Variants in CPA6 observed in about 807,000 individuals in gnomAD.
CPA6 encodes the protein carboxypeptidase B.
Under a neutral mutation model 63.3 loss-of-function variants are expected in CPA6, and 58 were observed. The observed-to-expected ratio is 0.92, with a 90% CI of 0.74 to 1.14. CPA6 has a LOEUF of 1.14. Among genes scored for constraint, CPA6 ranks in the 50% most tolerant of loss-of-function variants. The pLI, the probability that CPA6 is intolerant of heterozygous loss-of-function variation, is 0.00. For synonymous variants in CPA6, 185 were observed against 179.0 expected (o/e 1.03, Z -0.27); for missense variants, 565 against 526.6 (o/e 1.07, Z -0.71).
At chr8:67,483,222 G>A (rs66468629) in intron 8 of CPA6, 52,342 of 152,334 alleles carry the variant, frequency 0.34, 9,029 homozygotes, top group Middle Eastern at 0.45. Context: ...TTCTTCAGTA[G>A]AAGGGTTTCC....
intron 2 of CPA6, among the ~76,000 whole-genome samples, chr8:67,563,439 G>A (rs368751584): frequency 6.6e-6 from 1 of 152,152 alleles, no homozygotes; most frequent in Admixed American, 6.5e-5. Flanking sequence ...ACTTAGGAAG[G>A]TTAGCTAAAT....
At chr8:67,711,010 T>A (rs1284361494) in intron 1 of CPA6, among the ~76,000 whole-genome samples, 1 of 152,228 alleles carries the variant, frequency 6.6e-6, no homozygotes, top group Non-Finnish European at 1.5e-5. Flanking sequence ...GAGATTCCCA[T>A]CTTTGCATCT....
intron 1 of CPA6, among the ~76,000 whole-genome samples, chr8:67,675,724 A>G (rs1047347815): frequency 3.3e-5 from 5 of 152,218 alleles, no homozygotes; most frequent in Admixed American, 2.0e-4. Context: ...GCTTTTTGCA[A>G]GCCCTCAAAT....
intron 1 of CPA6, among the ~76,000 whole-genome samples, chr8:67,701,275 C>T (rs1236984886): frequency 2.6e-5 from 4 of 152,142 alleles, no homozygotes; most frequent in Non-Finnish European, 4.4e-5. Context: ...ACTCATGAAT[C>T]AAGTTAATCT....
rs765895994 is a variant in CPA6 at position 67,746,117 on chromosome 8, C to T, written c.13G>A (p.Gly5Arg). ...GCAGCTGCCTGGCCCCTGCGCTTCCCGAGACACTTCATAGTGTTAAGAAGA... is the reference window on the plus strand; with the variant it reads ...GCAGCTGCCTGGCCCCTGCGCTTCCTGAGACACTTCATAGTGTTAAGAAGA... MKCL[G>R]KRRGQAAAFL... The change falls in exon 1 of 11, where the codon GGG becomes AGG. Residue 5 changes from glycine to arginine, a missense_variant. Gly to Arg is a moderately radical substitution (Grantham distance 125, BLOSUM62 -2). Transcript: ENST00000297770. The T allele has an allele frequency of 5.0e-6, 8 of 1,613,018 alleles. No individual in the cohort carries two copies. The highest frequency in any genetic ancestry group is 2.2e-5 in the East Asian group (1 of 44,856).
chr8:67,554,820 G>A lies in CPA6; in HGVS notation c.193-36773C>T, dbSNP rs148112675. Among the ~76,000 whole-genome samples the A allele has an allele frequency of 4.5e-3, 692 of 152,242 alleles. 4 individuals are homozygous for A. Among genetic ancestry groups the A allele is most frequent in the African/African-American group, 0.016 (647 of 41,538 alleles). ...GAGTGCCCAAATTCATCCTTCCTCT[G>A]CCATTTTGTTCCATTTGGCCCCAGC... On this transcript the variant is annotated intron_variant, in intron 2 of 10. Transcript: ENST00000297770.
intron 2 of CPA6, among the ~76,000 whole-genome samples, chr8:67,535,161 A>G (rs952673019): frequency 5.3e-5 from 8 of 152,326 alleles, no homozygotes; most frequent in African/African-American, 1.9e-4. Context: ...GTGCTGCAAT[A>G]AACATACGTG....
At chr8:67,522,666 C>A (rs1358347454) in intron 2 of CPA6, among the ~76,000 whole-genome samples, 1 of 152,224 alleles carries the variant, frequency 6.6e-6, no homozygotes, top group Non-Finnish European at 1.5e-5. Context: ...CCTTGGGACT[C>A]CCTGGGCGAG....
At chr8:67,720,985 A>G (rs1432237709) in intron 1 of CPA6, among the ~76,000 whole-genome samples, 1 of 152,230 alleles carries the variant, frequency 6.6e-6, no homozygotes, top group East Asian at 1.9e-4. Context: ...TAAGCAACCC[A>G]CTATGTGAAA....
In CPA6 at chr8:67,447,093, C is replaced by T. The variant is rs1389252338; in HGVS notation, c.839-12853G>A. On this transcript the variant is annotated intron_variant, in intron 8 of 10. Transcript: ENST00000297770. ...ACATATATACACATATATATACACA[C>T]ATATATATACACATATATATACACA... Among the ~76,000 whole-genome samples, 6 of 151,252 alleles carry T rather than the reference C, an allele frequency of 4.0e-5. No homozygotes were observed. In the South Asian group the frequency reaches 8.4e-4, roughly 21 times the overall value.
chr8:67,681,445 A>G (rs1478914390), intron 1 of CPA6, among the ~76,000 whole-genome samples: 1 of 151,106 alleles, frequency 6.6e-6, no homozygotes, highest in Non-Finnish European at 1.5e-5. Flanking sequence ...TCCTGACCTC[A>G]TGATCCACTC....
intron 1 of CPA6, among the ~76,000 whole-genome samples, chr8:67,653,830 G>A (rs1215080430): frequency 2.0e-5 from 3 of 152,064 alleles, no homozygotes; most frequent in Non-Finnish European, 4.4e-5. Context: ...AGTTTTTAGA[G>A]GGAATGCTTC....
At chr8:67,679,030 T>C (rs1168218654) in intron 1 of CPA6, among the ~76,000 whole-genome samples, 7 of 152,102 alleles carry the variant, frequency 4.6e-5, no homozygotes, top group Admixed American at 4.6e-4. Context: ...GTGTTAAAAG[T>C]CAGGATGTGG....
At chr8:67,681,780 C>T (rs1439160335) in intron 1 of CPA6, among the ~76,000 whole-genome samples, 1 of 152,120 alleles carries the variant, frequency 6.6e-6, no homozygotes, top group Non-Finnish European at 1.5e-5. Flanking sequence ...TTGCCAATAA[C>T]ACACCATCTT....
chr8:67,550,040 T>C (rs760672736), intron 2 of CPA6, among the ~76,000 whole-genome samples: 2 of 152,184 alleles, frequency 1.3e-5, no homozygotes, highest in Non-Finnish European at 2.9e-5. Context: ...AGTTCTATTG[T>C]TTTTTCTTTT....
chr8:67,650,352 T>G (rs1313104156), intron 1 of CPA6, among the ~76,000 whole-genome samples: 1 of 152,136 alleles, frequency 6.6e-6, no homozygotes, highest in Admixed American at 6.6e-5. Flanking sequence ...CGGGGTTCGA[T>G]CAGGACTCTA....
intron 1 of CPA6, among the ~76,000 whole-genome samples, chr8:67,675,547 G>T (rs1314811840): frequency 6.6e-6 from 1 of 152,070 alleles, no homozygotes; most frequent in Non-Finnish European, 1.5e-5. Flanking sequence ...CACTAATTTT[G>T]AGTAGAGAGG....
chr8:67,471,059 T>A (rs4737835), intron 8 of CPA6, among the ~76,000 whole-genome samples: 57,786 of 151,960 alleles, frequency 0.38, 11,284 homozygotes, highest in African/African-American at 0.48. Context: ...GAACCTCCAT[T>A]ATCTTGCCTC....
chr8:67,583,718 C>T (rs913383691), intron 2 of CPA6, among the ~76,000 whole-genome samples: 6 of 152,098 alleles, frequency 3.9e-5, no homozygotes, highest in Admixed American at 1.3e-4. Context: ...AAGATGCTAG[C>T]GATTGTTAGG....
Sources: allele counts gnomAD v4.1 joint callset (sites outside exome capture counted in the v4.1 genomes callset), GRCh38; gene constraint gnomAD v4.1.1; transcripts MANE v1.5; gene names NCBI Gene and HGNC (gene_info 2026-07-23, HGNC 2026-07-21).